The following SCFD2 variants were observed in gnomAD, a reference collection of about 807,000 sequenced individuals.
SCFD2 encodes the protein sec1 family domain containing 2.
In SCFD2, 54 loss-of-function variants were observed where a neutral mutation model predicts 58.9. The ratio of observed to expected loss-of-function variants is 0.92; its 90% confidence interval spans 0.74 to 1.15. The LOEUF (loss-of-function observed/expected upper bound fraction) is 1.15, where lower values mean the gene tolerates loss of function less well. Among genes scored for constraint, SCFD2 ranks in the 50% most tolerant of loss-of-function variants. The probability of loss-of-function intolerance (pLI) is 0.00; values close to 1 mark genes in which losing one functional copy is unlikely to be tolerated. For synonymous variants in SCFD2, 321 were observed against 335.9 expected, an observed-to-expected ratio of 0.96 and a Z score of 0.49; for missense variants, 805 against 836.6, an observed-to-expected ratio of 0.96 and a Z score of 0.47.
intron 5 of SCFD2, among the ~76,000 whole-genome samples, chr4:53,058,949 T>G (rs1474213624): frequency 6.6e-6 from 1 of 152,116 alleles, no homozygotes; most frequent in Non-Finnish European, 1.5e-5. Context: ...AACTTGGAGC[T>G]GAGAAAACCA....
intron 3 of SCFD2, among the ~76,000 whole-genome samples, chr4:53,289,574 T>C (rs1181898159): frequency 1.3e-5 from 2 of 151,892 alleles, no homozygotes; most frequent in Non-Finnish European, 2.9e-5. Flanking sequence ...AAAAATGATC[T>C]AAAAACAACC....
intron 5 of SCFD2, among the ~76,000 whole-genome samples, chr4:53,138,853 T>TCCCC (rs1726019563): frequency 7.1e-6 from 1 of 141,540 alleles, no homozygotes. Flanking sequence ...AGAAAATCCC[T>TCCCC]CTCCCCCTCC....
At chr4:53,018,629 G>C (rs544236185) in intron 5 of SCFD2, among the ~76,000 whole-genome samples, 1 of 152,124 alleles carries the variant, frequency 6.6e-6, no homozygotes, top group Non-Finnish European at 1.5e-5. Context: ...CAATTTTCAC[G>C]CTTGGAGTTT....
chr4:52,890,247 A>G (rs1477304303), intron 7 of SCFD2, among the ~76,000 whole-genome samples: 2 of 152,194 alleles, frequency 1.3e-5, no homozygotes, highest in Non-Finnish European at 2.9e-5. Flanking sequence ...TCCAAAGTAC[A>G]TTGGGAGAAT....
chr4:53,212,750 T>C (rs1309308471), intron 4 of SCFD2, among the ~76,000 whole-genome samples: 1 of 152,024 alleles, frequency 6.6e-6, no homozygotes, highest in Non-Finnish European at 1.5e-5. Flanking sequence ...TTATATGGGA[T>C]CATTTTTTCT....
chr4:53,020,910 G>GT (rs928117274), intron 5 of SCFD2, among the ~76,000 whole-genome samples: 2 of 152,130 alleles, frequency 1.3e-5, no homozygotes, highest in African/African-American at 4.8e-5. Flanking sequence ...AGGGTGGGTG[G>GT]TTTTGGCTTC....
At chr4:53,079,811 G>C (rs2148856814) in intron 5 of SCFD2, among the ~76,000 whole-genome samples, 1 of 152,232 alleles carries the variant, frequency 6.6e-6, no homozygotes, top group Non-Finnish European at 1.5e-5. Flanking sequence ...GCATGAGAAA[G>C]TCACTCTCTC....
intron 5 of SCFD2, among the ~76,000 whole-genome samples, chr4:52,970,280 G>A (rs1244393198): frequency 6.6e-6 from 1 of 152,228 alleles, no homozygotes; most frequent in African/African-American, 2.4e-5. Flanking sequence ...AAAGAAAGGG[G>A]TGACAGACAG....
chr4:53,087,657 C>CTTTT (rs34727687), intron 5 of SCFD2, among the ~76,000 whole-genome samples: 1 of 115,216 alleles, frequency 8.7e-6, no homozygotes, highest in Non-Finnish European at 1.8e-5. Flanking sequence ...TTTCTTTTTC[C>CTTTT]TTTTTTTTTT....
At chr4:53,223,524 G>A (rs2148997362) in intron 4 of SCFD2, among the ~76,000 whole-genome samples, 1 of 152,300 alleles carries the variant, frequency 6.6e-6, no homozygotes, top group East Asian at 1.9e-4. Flanking sequence ...TGCGCTATCA[G>A]AACTCTGTGT....
chr4:53,212,086 A>T (rs1222697819), intron 4 of SCFD2, among the ~76,000 whole-genome samples: 1 of 151,994 alleles, frequency 6.6e-6, no homozygotes, highest in East Asian at 1.9e-4. Context: ...ACACCCCCCA[A>T]CCAAAATTTC....
intron 5 of SCFD2, among the ~76,000 whole-genome samples, chr4:53,041,286 A>G (rs146594582): frequency 2.6e-5 from 4 of 152,266 alleles, no homozygotes; most frequent in Non-Finnish European, 5.9e-5. Flanking sequence ...ATACAGTTTC[A>G]CTGATGGTGA....
rs996624734 is a variant in SCFD2 at position 53,203,476 on chromosome 4, T to C, written c.1312-57894A>G. On this transcript the variant is annotated intron_variant, in intron 4 of 8. Transcript: ENST00000401642. ...ATCAAATGAAACATAGAAAAATAAATACACTCCCTCAAAAAACCCTACTAA... is the reference window on the plus strand; with the variant it reads ...ATCAAATGAAACATAGAAAAATAAACACACTCCCTCAAAAAACCCTACTAA... Among the ~76,000 whole-genome samples, 41 of 151,916 alleles carry C rather than the reference T, an allele frequency of 2.7e-4. 1 individual carries two copies. Among genetic ancestry groups the C allele is most frequent in the African/African-American group, 9.2e-4 (38 of 41,408 alleles).
At chr4:52,958,434 G>A (rs942840296) in intron 5 of SCFD2, among the ~76,000 whole-genome samples, 2 of 152,110 alleles carry the variant, frequency 1.3e-5, no homozygotes, top group African/African-American at 2.4e-5. Context: ...GGAGAGTGCC[G>A]GACAAGATGT....
At chr4:53,266,662 CAT>C (rs1161327666) in intron 4 of SCFD2, among the ~76,000 whole-genome samples, 1 of 152,210 alleles carries the variant, frequency 6.6e-6, no homozygotes, top group African/African-American at 2.4e-5. Context: ...CTAATTGAAT[CAT>C]AAACATATCC....
intron 4 of SCFD2, among the ~76,000 whole-genome samples, chr4:53,202,354 C>G (rs1208665452): frequency 6.6e-6 from 1 of 152,034 alleles, no homozygotes; most frequent in Non-Finnish European, 1.5e-5. Context: ...GGCATTATTT[C>G]TGAGGGCTCT....
chr4:52,891,727 C>G (rs960820932), intron 7 of SCFD2, among the ~76,000 whole-genome samples: 23 of 152,270 alleles, frequency 1.5e-4, no homozygotes, highest in African/African-American at 4.8e-4. Flanking sequence ...GTGGGACTTA[C>G]TTTTACTTAC....
At chr4:53,075,283 C>A (rs1415047835) in intron 5 of SCFD2, among the ~76,000 whole-genome samples, 5 of 152,178 alleles carry the variant, frequency 3.3e-5, no homozygotes, top group Non-Finnish European at 7.3e-5. Flanking sequence ...CTTGCTCTGG[C>A]TTAAGCTTTG....
Position 52,907,507 on chromosome 4 carries a change from AC to A in SCFD2, c.1791del (p.Met597IlefsTer17). ...TTAAGGAGATCAGTGAGGCCTGAAG[AC>A]ATGTGTTCAATATCAACGGAATCTG... is the stretch of plus-strand genomic sequence containing the variant. ...ERPDSVDIEH[M>X]SSGLTDLLKT... On this transcript the variant is annotated frameshift_variant, in exon 7 of 9. Coordinates refer to ENST00000401642, the MANE Select transcript of SCFD2 (RefSeq NM_152540.4). LOFTEE classifies it high-confidence loss of function. The A allele has an allele frequency of 3.1e-6, 5 of 1,613,972 alleles. No individual in the cohort carries two copies. The highest frequency in any genetic ancestry group is 4.2e-6 in the Non-Finnish European group (5 of 1,179,834).
Sources: gnomAD v4.1 joint callset for allele counts (sites outside exome capture counted in the v4.1 genomes callset) on GRCh38, gnomAD v4.1.1 for gene constraint, MANE v1.5 for transcripts, NCBI Gene and HGNC (gene_info 2026-07-23, HGNC 2026-07-21) for gene names.